EVX1: variants seen among roughly 807,000 people sequenced by gnomAD.
EVX1 encodes the protein even-skipped homeobox 1.
In EVX1, 19 loss-of-function variants were observed where a neutral mutation model predicts 28.6. That is an observed-to-expected ratio of 0.67 (90% CI 0.46 to 0.98). The LOEUF (loss-of-function observed/expected upper bound fraction) is 0.98, where lower values mean the gene tolerates loss of function less well. Ranked by LOEUF, EVX1 falls within the 50% of genes least tolerant of loss-of-function variation. EVX1 has a pLI of 0.00. For synonymous variants in EVX1, 324 were observed against 278.2 expected (o/e 1.16, Z -1.64); for missense variants, 660 against 583.0 (o/e 1.13, Z -1.36).
chr7:27,246,112 T>G lies in EVX1; in HGVS notation c.911T>G (p.Leu304Arg). 1 of 1,545,448 alleles carries G rather than the reference T, an allele frequency of 6.5e-7. No individual in the cohort carries two copies. Among genetic ancestry groups the G allele is most frequent in the East Asian group, 2.4e-5 (1 of 41,032 alleles). The change falls in exon 3 of 3, where the codon CTG becomes CGG. Residue 304 changes from leucine (L) to arginine (R), a missense_variant. By Grantham distance (102) the Leu-to-Arg change is moderately radical. Around this residue, in one of 3 missense-constraint regions of EVX1, gnomAD observed 299 missense variants for 241.3 expected, o/e 1.24. Transcript: ENST00000496902. ...GCCGCCTCGCCCTTCAGCGGCTCGC[T>G]GCGCCCGCTCGACACGTTCCGCGTG... is the stretch of plus-strand genomic sequence containing the variant. ...SAAASPFSGS[L>R]RPLDTFRVLS...
chr7:27,246,204 C>G lies in EVX1; in HGVS notation c.1003C>G (p.Pro335Ala). The change falls in exon 3 of 3, where the codon CCC becomes GCC. Residue 335 changes from proline to alanine, a missense_variant. Coordinates refer to ENST00000496902, the MANE Select transcript of EVX1 (RefSeq NM_001989.5). ...AFRHPPLYPG[P>A]AHGLGASAGG... ...CCGCCACCCGCCGCTCTACCCCGGGCCCGCGCACGGACTGGGCGCCTCTGC... is the reference window on the plus strand; with the variant it reads ...CCGCCACCCGCCGCTCTACCCCGGGGCCGCGCACGGACTGGGCGCCTCTGC... 1 of 1,498,938 alleles carries G rather than the reference C, an allele frequency of 6.7e-7. No individual in the cohort carries two copies. Among genetic ancestry groups the G allele is most frequent in the Non-Finnish European group, 8.8e-7 (1 of 1,134,128 alleles). 92.9% of individuals were successfully genotyped at this position (1,498,938 alleles called of 1,614,324 possible).
rs1159618960 is a variant in EVX1, at chr7:27,247,330, G to A, written c.*905G>A. 3 of 152,212 alleles carry A rather than the reference G, an allele frequency of 2.0e-5. No homozygotes were observed. The highest frequency in any genetic ancestry group is 2.9e-5 in the Non-Finnish European group (2 of 68,086). 9.4% of individuals were successfully genotyped at this position (152,212 alleles called of 1,614,324 possible). ...GGAGCTGGCCACTGACCCCAGAGCT[G>A]AGCTGTTAACAAGGCGCCCAGGGAA... On this transcript the variant is annotated 3_prime_UTR_variant, in exon 3 of 3. Coordinates refer to ENST00000496902, the MANE Select transcript of EVX1 (RefSeq NM_001989.5).
At position 27,247,386 on chromosome 7, in the gene EVX1, C is replaced by T. The variant is rs1412644233; in HGVS notation, c.*961C>T. On this transcript the variant is annotated 3_prime_UTR_variant, in exon 3 of 3. Transcript: ENST00000496902. ...TAGGGAGTGGGAACTTCACCTCCCT[C>T]TCTCGGTATCTGGCGGTAAATTAGA... The T allele has an allele frequency of 2.6e-5, 4 of 152,246 alleles. No individual in the cohort carries two copies. The highest frequency in any genetic ancestry group is 5.9e-5 in the Non-Finnish European group (4 of 68,062). 9.4% of individuals were successfully genotyped at this position (152,246 alleles called of 1,614,324 possible).
rs962987070 is a variant in EVX1, at chr7:27,242,950, C to T, written c.-81C>T. Reference sequence around the variant, plus strand: ...TCTTTCTCCCTCTTGCAACCAAGATCCGTCCGGCCGCTGGAGACCCAGGGA... The same window carrying T: ...TCTTTCTCCCTCTTGCAACCAAGATTCGTCCGGCCGCTGGAGACCCAGGGA... On this transcript the variant is annotated 5_prime_UTR_variant, in exon 1 of 3. Transcript: ENST00000496902. 2.7e-5 allele frequency: 37 copies of T among 1,376,322 alleles called. No individual in the cohort carries two copies. Among genetic ancestry groups the T allele is most frequent in the Middle Eastern group, 2.0e-4 (1 of 4,896 alleles). 85.3% of individuals were successfully genotyped at this position (1,376,322 alleles called of 1,614,324 possible).
In EVX1 at chr7:27,247,508, T is replaced by C. The variant is rs1335643765; in HGVS notation, c.*1083T>C. 6.6e-6 allele frequency: 1 copy of C among 152,222 alleles called. No individual in the cohort carries two copies. Among genetic ancestry groups the C allele is most frequent in the Non-Finnish European group, 1.5e-5 (1 of 68,048 alleles). 9.4% of individuals were successfully genotyped at this position (152,222 alleles called of 1,614,324 possible). A position where few individuals can be genotyped will look rare whatever the true frequency, so the allele number is the denominator to read the frequency against. On this transcript the variant is annotated 3_prime_UTR_variant, in exon 3 of 3. Coordinates refer to ENST00000496902, the MANE Select transcript of EVX1 (RefSeq NM_001989.5). ...TATTTTACAACTTTCTCTCATTTTC[T>C]TCCCAAGCTACCACTGGAGCTTGAC...
In EVX1 at chr7:27,242,969, C is replaced by A; in HGVS notation, c.-62C>A. 4 of 1,424,914 alleles carry A rather than the reference C, an allele frequency of 2.8e-6. No homozygotes were observed. In the South Asian group the frequency reaches 6.1e-5, roughly 22 times the overall value. 88.3% of individuals were successfully genotyped at this position (1,424,914 alleles called of 1,614,324 possible). ...CAAGATCCGTCCGGCCGCTGGAGAC[C>A]CAGGGAGCCGGGGTTAGGAACTCAC... On this transcript the variant is annotated 5_prime_UTR_variant, in exon 1 of 3. Coordinates refer to ENST00000496902, the MANE Select transcript of EVX1 (RefSeq NM_001989.5).
At chr7:27,243,546 C>T (rs977968177) in intron 1 of EVX1, 89 bp downstream of exon 1, 2 of 1,403,490 alleles carry the variant, frequency 1.4e-6, no homozygotes, top group African/African-American at 2.9e-5. Flanking sequence ...CTCCCTTCCC[C>T]TAGGGCAGGA....
At chr7:27,244,218 G>C (rs1783105786) in intron 1 of EVX1, among the ~76,000 whole-genome samples, 1 of 152,210 alleles carries the variant, frequency 6.6e-6, no homozygotes, top group Admixed American at 6.5e-5. Context: ...GAAAGGGGTG[G>C]ATAGCCCGGA....
rs1783202192 is a variant in EVX1, at chr7:27,246,683, G to T, written c.*258G>T. ...GAGACCTTCCTCCGGGGCAGCCTCC[G>T]GACCCACCGCCCCCCACCAGGGTCG... is the stretch of plus-strand genomic sequence containing the variant. On this transcript the variant is annotated 3_prime_UTR_variant, in exon 3 of 3. Coordinates refer to ENST00000496902, the MANE Select transcript of EVX1 (RefSeq NM_001989.5). The T allele has an allele frequency of 5.9e-6, 3 of 508,602 alleles. No individual in the cohort carries two copies. The highest frequency in any genetic ancestry group is 2.0e-5 in the African/African-American group (1 of 48,952). 31.5% of individuals were successfully genotyped at this position (508,602 alleles called of 1,614,324 possible).
At chr7:27,244,954 C>A in intron 1 of EVX1, 94 bp from the exon 2 acceptor site, 1 of 1,513,674 alleles carries the variant, frequency 6.6e-7, no homozygotes, top group East Asian at 2.3e-5. Context: ...TGTCCCTTCC[C>A]AAATCACCCT....
In EVX1 at chr7:27,246,017, C is replaced by T; in HGVS notation, c.816C>T (p.Pro272=). 6.3e-7 allele frequency: 1 copy of T among 1,599,328 alleles called. No individual in the cohort carries two copies. Among genetic ancestry groups the T allele is most frequent in the Non-Finnish European group, 8.5e-7 (1 of 1,179,436 alleles). Residue 272 remains proline (P), a synonymous_variant, in exon 3 of 3, where the codon CCC becomes CCT. Transcript: ENST00000496902. ...CGGCCGCGGGCGGCCTGCCCTACCCCTTCCCATCGCACCTGCCCCTGCCCT... is the reference window on the plus strand; with the variant it reads ...CGGCCGCGGGCGGCCTGCCCTACCCTTTCCCATCGCACCTGCCCCTGCCCT... ...HAAAAGGLPY[P]FPSHLPLPYY... is the part of the protein sequence containing the mutation.
rs763601537 is a variant in EVX1 at position 27,245,944 on chromosome 7, C to G, written c.743C>G (p.Pro248Arg). 6 of 1,595,568 alleles carry G rather than the reference C, an allele frequency of 3.8e-6. No homozygotes were observed. Among genetic ancestry groups the G allele is most frequent in the Non-Finnish European group, 5.1e-6 (6 of 1,173,812 alleles). ...DKRQRLAMTW[P>R]HPADPAFYTY... is the part of the protein sequence containing the mutation. The stretch of plus-strand genomic sequence containing the variant: ...CGGCAGCGCCTGGCCATGACGTGGC[C>G]GCACCCGGCGGACCCCGCCTTCTAC... Residue 248 changes from proline (P) to arginine (R), a missense_variant, in exon 3 of 3, where the codon CCG becomes CGG. Physicochemically the swap from Pro to Arg is moderately radical, Grantham distance 103. Coordinates refer to ENST00000496902, the MANE Select transcript of EVX1 (RefSeq NM_001989.5).
Position 27,243,679 on chromosome 7 carries a change from G to A in EVX1, c.427+222G>A. 1.6e-5 allele frequency: 8 copies of A among 498,908 alleles called. No homozygotes were observed. The South Asian group carries it at 2.3e-4, about 14-fold the overall frequency. 30.9% of individuals were successfully genotyped at this position (498,908 alleles called of 1,614,324 possible). On this transcript the variant is annotated intron_variant, in intron 1 of 2. Transcript: ENST00000496902. ...CAGTGCCTTGAGTGCGGGGTGCTGA[G>A]GGGGCGGATGCAAGTCCTGGACTTG...
chr7:27,243,783 C>A (rs1003235518), intron 1 of EVX1: 3 of 252,522 alleles, frequency 1.2e-5, no homozygotes, highest in Non-Finnish European at 2.2e-5. Context: ...AAGACACTTT[C>A]CCCAGGCGAG....
intron 1 of EVX1, chr7:27,244,560 T>C: frequency 3.3e-6 from 3 of 908,338 alleles, no homozygotes; most frequent in Non-Finnish European, 4.0e-6. Context: ...ACTCCAGCCC[T>C]GCAATACACG....
At position 27,243,177 on chromosome 7, in the gene EVX1, C is replaced by A. The variant is rs1562534020; in HGVS notation, c.147C>A (p.Ser49Arg). ...PEKMVPRGCLSPRAVPPATRE... is the reference protein window; with the variant it reads ...PEKMVPRGCLRPRAVPPATRE... The stretch of plus-strand genomic sequence containing the variant: ...AAATGGTGCCCCGTGGTTGCCTGAG[C>A]CCTCGGGCCGTCCCTCCGGCCACCC... Residue 49 changes from serine to arginine, a missense_variant, in exon 1 of 3, where the codon AGC (serine) becomes AGA (arginine). Transcript: ENST00000496902. 1 of 1,575,016 alleles carries A rather than the reference C, an allele frequency of 6.3e-7. No individual in the cohort carries two copies. Among genetic ancestry groups the A allele is most frequent in the East Asian group, 2.3e-5 (1 of 42,988 alleles).
rs142645206 is a variant in EVX1 at position 27,245,957 on chromosome 7, C to A, written c.756C>A (p.Asp252Glu). 2.2e-4 allele frequency: 357 copies of A among 1,609,240 alleles called. No homozygotes were observed. Among genetic ancestry groups the A allele is most frequent in the Middle Eastern group, 1.3e-3 (8 of 6,058 alleles). The change falls in exon 3 of 3, where the codon GAC (aspartate) becomes GAA (glutamate). Residue 252 changes from aspartate (D) to glutamate (E), a missense_variant. This residue lies in a region of EVX1 where 299 missense variants were observed against 241.3 expected (regional missense o/e 1.24). Transcript: ENST00000496902. Reference sequence around the variant, plus strand: ...CCATGACGTGGCCGCACCCGGCGGACCCCGCCTTCTACACTTACATGATGA... The same window carrying A: ...CCATGACGTGGCCGCACCCGGCGGAACCCGCCTTCTACACTTACATGATGA... ...RLAMTWPHPA[D>E]PAFYTYMMSH...
chr7:27,245,574 C>G (rs1177450624), intron 2 of EVX1, among the ~76,000 whole-genome samples: 1 of 152,194 alleles, frequency 6.6e-6, no homozygotes, highest in African/African-American at 2.4e-5. Context: ...TGGGGACACG[C>G]TCTCTGCGGC....
Position 27,246,094 on chromosome 7 carries a change from C to A in EVX1, c.893C>A (p.Ser298Ter). 1 of 1,560,802 alleles carries A rather than the reference C, an allele frequency of 6.4e-7. No homozygotes were observed. Among genetic ancestry groups the A allele is most frequent in the Non-Finnish European group, 8.6e-7 (1 of 1,162,662 alleles). The change falls in exon 3 of 3, where the codon TCG becomes TAG. Residue 298 changes from serine (S) to a stop codon, truncating the protein, a stop_gained. Transcript: ENST00000496902. LOFTEE classifies it high-confidence loss of function. ...GAASAASAAA[S>*]PFSGSLRPLD... ...GCATCCGCCGCCTCCGCCGCCGCCT[C>A]GCCCTTCAGCGGCTCGCTGCGCCCG...
Sources: gnomAD v4.1 joint callset for allele counts (sites outside exome capture counted in the v4.1 genomes callset) on GRCh38, gnomAD v4.1.1 for gene constraint, gnomAD v4.1.1 regional missense constraint, MANE v1.5 for transcripts, NCBI Gene and HGNC (gene_info 2026-07-23, HGNC 2026-07-21) for gene names.